HSPA12A: variants seen among roughly 807,000 people sequenced by gnomAD.
HSPA12A encodes heat shock protein family A (Hsp70) member 12A, also known as heat shock 70 kDa protein 12A.
HSPA12A carries 28 observed loss-of-function variants against 69.2 expected under a neutral mutation model. The observed-to-expected ratio is 0.40, with a 90% confidence interval of 0.30 to 0.55. The LOEUF is 0.55. Among genes scored for constraint, HSPA12A ranks in the 20% least tolerant of loss-of-function variants. The pLI, the probability that HSPA12A is intolerant of heterozygous loss-of-function variation, is 0.38. For synonymous variants in HSPA12A, 345 were observed against 370.5 expected (o/e 0.93, Z 0.79); for missense variants, 686 against 900.7 (o/e 0.76, Z 3.05).
intron 1 of HSPA12A, among the ~76,000 whole-genome samples, chr10:116,844,364 G>A (rs1437283539): frequency 6.6e-6 from 1 of 152,102 alleles, no homozygotes; most frequent in Non-Finnish European, 1.5e-5. Flanking sequence ...AGCAGACATC[G>A]ATGAAGAAAA....
intron 1 of HSPA12A, among the ~76,000 whole-genome samples, chr10:116,847,204 G>A (rs565216760): frequency 6.6e-6 from 1 of 152,116 alleles, no homozygotes; most frequent in Non-Finnish European, 1.5e-5. Flanking sequence ...ATTCTACAAG[G>A]TAATCTCAAA....
At chr10:116,764,874 T>A (rs12245960) in intron 2 of HSPA12A, among the ~76,000 whole-genome samples, 5,717 of 152,290 alleles carry the variant, frequency 0.038, 325 homozygotes, top group African/African-American at 0.13. Context: ...ACTCTAACTG[T>A]GTATCTTTAA....
At chr10:116,845,665 A>T (rs1466479582) in intron 1 of HSPA12A, among the ~76,000 whole-genome samples, 1 of 152,162 alleles carries the variant, frequency 6.6e-6, no homozygotes, top group Admixed American at 6.5e-5. Flanking sequence ...TAAGGTTAGC[A>T]ATACACTCAA....
At chr10:116,709,841 G>A (rs1162917064) in intron 1 of HSPA12A, among the ~76,000 whole-genome samples, 1 of 152,146 alleles carries the variant, frequency 6.6e-6, no homozygotes, top group Non-Finnish European at 1.5e-5. Context: ...AATGGTTTAA[G>A]TGGCAAATTT....
intron 2 of HSPA12A, among the ~76,000 whole-genome samples, chr10:116,780,266 C>T (rs1157870225): frequency 6.6e-6 from 1 of 152,196 alleles, no homozygotes; most frequent in Non-Finnish European, 1.5e-5. Context: ...CTTAACCTTC[C>T]TGTTTCATGG....
intron 2 of HSPA12A, among the ~76,000 whole-genome samples, chr10:116,747,831 T>C (rs1554887961): frequency 6.6e-6 from 1 of 151,906 alleles, no homozygotes; most frequent in Non-Finnish European, 1.5e-5. Context: ...AAACCCCGTC[T>C]CTACTAAAAA....
chr10:116,837,589 G>C (rs2133217985), intron 1 of HSPA12A, among the ~76,000 whole-genome samples: 1 of 152,234 alleles, frequency 6.6e-6, no homozygotes, highest in South Asian at 2.1e-4. Flanking sequence ...CCTCTGAAAG[G>C]TCATGGTACA....
intron 6 of HSPA12A, 50 bp downstream of exon 6, chr10:116,692,301 A>T: frequency 6.9e-7 from 1 of 1,446,540 alleles, no homozygotes; most frequent in Non-Finnish European, 9.7e-7. Context: ...CACCCTGGAC[A>T]TCTTGAGTCC....
chr10:116,796,690 C>T (rs984005642), intron 2 of HSPA12A, among the ~76,000 whole-genome samples: 3 of 152,124 alleles, frequency 2.0e-5, no homozygotes, highest in African/African-American at 4.8e-5. Context: ...AGCTGAGCCC[C>T]GGGGCAGAGA....
intron 1 of HSPA12A, among the ~76,000 whole-genome samples, chr10:116,715,640 C>T (rs1158921949): frequency 6.6e-6 from 1 of 152,158 alleles, no homozygotes; most frequent in African/African-American, 2.4e-5. Context: ...ATTTGCTCTG[C>T]TTTTGTATGT....
intron 2 of HSPA12A, among the ~76,000 whole-genome samples, chr10:116,766,638 C>T (rs143677408): frequency 6.6e-6 from 1 of 152,250 alleles, no homozygotes; most frequent in East Asian, 1.9e-4. Flanking sequence ...TAAAAATTAA[C>T]CCAGATTGTC....
chr10:116,759,870 T>C (rs782716616), intron 2 of HSPA12A, among the ~76,000 whole-genome samples: 1 of 152,218 alleles, frequency 6.6e-6, no homozygotes, highest in Non-Finnish European at 1.5e-5. Flanking sequence ...TCATGAGATC[T>C]GATGGTTTAA....
intron 2 of HSPA12A, among the ~76,000 whole-genome samples, chr10:116,781,735 TAC>T (rs1301797537): frequency 6.6e-6 from 1 of 152,224 alleles, no homozygotes; most frequent in African/African-American, 2.4e-5. Flanking sequence ...AGCTGTCAGC[TAC>T]ACCGAGTGCC....
At position 116,741,343 on chromosome 10, in the gene HSPA12A, C is replaced by A. The variant is rs532921868; in HGVS notation, c.40+1087G>T. Among the ~76,000 whole-genome samples the A allele has an allele frequency of 2.2e-4, 34 of 152,378 alleles. 2 individuals are homozygous for A. In the South Asian group the frequency reaches 5.6e-3, roughly 25 times the overall value. On this transcript the variant is annotated intron_variant, in intron 1 of 11. Coordinates refer to ENST00000369209, the MANE Select transcript of HSPA12A (RefSeq NM_025015.3). ...GTGCTGCCACTGGACTCAGTTTCTC[C>A]AGCTTTTGGGGCCCCGCAGAGCCAA...
upstream of HSPA12A, among the ~76,000 whole-genome samples, chr10:116,743,141 G>A (rs1554887524): frequency 6.6e-6 from 1 of 152,210 alleles, no homozygotes; most frequent in Non-Finnish European, 1.5e-5. Context: ...CCGCCTGCGG[G>A]ACTCCATGGC....
At chr10:116,743,932 C>A (rs1366320523), upstream of HSPA12A, among the ~76,000 whole-genome samples, 1 of 152,208 alleles carries the variant, frequency 6.6e-6, no homozygotes, top group Non-Finnish European at 1.5e-5. Context: ...GGAGAACCCA[C>A]TTCATAAAAC....
In HSPA12A at chr10:116,674,815, C is replaced by G; in HGVS notation, c.1994G>C (p.Ser665Thr). Residue 665 changes from serine (S) to threonine (T), a missense_variant, in exon 12 of 12, where the codon AGT (serine) becomes ACT (threonine). Ser to Thr is a moderately conservative substitution (Grantham distance 58). Coordinates refer to ENST00000369209, the MANE Select transcript of HSPA12A (RefSeq NM_025015.3). ...TAAGAAGTCGATCCCAACTTTGACA[C>G]TCTTCGAAGTGGCTATATCAATGGC... ...ATAIDIATSKSVKVGIDFLNY is the reference protein window; with the variant it reads ...ATAIDIATSKTVKVGIDFLNY 1 of 1,611,192 alleles carries G rather than the reference C, an allele frequency of 6.2e-7. No individual in the cohort carries two copies. Among genetic ancestry groups the G allele is most frequent in the Non-Finnish European group, 8.5e-7 (1 of 1,178,572 alleles).
intron 2 of HSPA12A, among the ~76,000 whole-genome samples, chr10:116,762,340 T>G (rs1554889361): frequency 6.6e-6 from 1 of 152,250 alleles, no homozygotes; most frequent in East Asian, 1.9e-4. Flanking sequence ...TCTACCCTGC[T>G]GCAAAGGTGT....
intron 2 of HSPA12A, among the ~76,000 whole-genome samples, chr10:116,823,602 T>A (rs77955715): frequency 2.0e-4 from 31 of 152,300 alleles, no homozygotes; most frequent in African/African-American, 7.2e-4. Flanking sequence ...CCCTCACATG[T>A]ATAGTCAATT....
Sources: gnomAD v4.1 joint callset for allele counts (sites outside exome capture counted in the v4.1 genomes callset) on GRCh38, gnomAD v4.1.1 for gene constraint, MANE v1.5 for transcripts, NCBI Gene and HGNC (gene_info 2026-07-23, HGNC 2026-07-21) for gene names.